The following CCSER2 variants were observed in gnomAD, a reference collection of about 807,000 sequenced individuals.
CCSER2 encodes the protein serine-rich coiled-coil domain-containing protein 2.
CCSER2 carries 46 observed loss-of-function variants against 92.3 expected under a neutral mutation model. The ratio of observed to expected loss-of-function variants is 0.50; its 90% CI spans 0.39 to 0.64. The LOEUF (loss-of-function observed/expected upper bound fraction) is 0.64, where lower values mean the gene tolerates loss of function less well. Ranked by LOEUF, CCSER2 falls within the 30% of genes least tolerant of loss-of-function variation. The pLI is 0.00. For missense variants in CCSER2, 1,244 were observed against 1,238.9 expected (o/e 1.00, Z -0.06); for synonymous variants, 433 against 431.4 (o/e 1.00, Z -0.04).
rs1175785875 is a variant in CCSER2 at position 84,425,734 on chromosome 10, A to G, written c.1709A>G (p.Glu570Gly). The G allele has an allele frequency of 1.2e-6, 2 of 1,608,290 alleles. No individual in the cohort carries two copies. Among genetic ancestry groups the G allele is most frequent in the Non-Finnish European group, 1.7e-6 (2 of 1,176,746 alleles). ...LPEDAPLENVECDNMNRFDRP... is the reference protein window; with the variant it reads ...LPEDAPLENVGCDNMNRFDRP... ...TTTTGCTTTTGAATCTGTCTAGTGG[A>G]GTGTGACAATATGAACCGCTTTGAC... Residue 570 changes from glutamate to glycine, a missense_variant, in exon 5 of 10, where the codon GAG (glutamate) becomes GGG (glycine). By Grantham distance (98) the Glu-to-Gly change is moderately conservative. Coordinates refer to ENST00000372088, the MANE Select transcript of CCSER2 (RefSeq NM_001284240.2).
chr10:84,374,892 A>T (rs895959031), intron 3 of CCSER2, among the ~76,000 whole-genome samples: 1 of 152,196 alleles, frequency 6.6e-6, no homozygotes, highest in African/African-American at 2.4e-5. Flanking sequence ...TAAACCTTTT[A>T]CTTAAGCCAT....
At chr10:84,366,357 G>A (rs908558905) in intron 1 of CCSER2, among the ~76,000 whole-genome samples, 3 of 152,126 alleles carry the variant, frequency 2.0e-5, no homozygotes, top group African/African-American at 7.2e-5. Context: ...TACATTAAGA[G>A]ATTATGAATT....
chr10:84,487,178 G>C (rs1221738188), intron 9 of CCSER2, among the ~76,000 whole-genome samples: 1 of 152,222 alleles, frequency 6.6e-6, no homozygotes, highest in Non-Finnish European at 1.5e-5. Context: ...CAGGTGGCAT[G>C]ATGCCTCCAG....
chr10:84,374,273 C>T (rs1393714967), intron 3 of CCSER2, among the ~76,000 whole-genome samples: 4 of 152,096 alleles, frequency 2.6e-5, no homozygotes, highest in Admixed American at 2.6e-4. Context: ...GTTGAGAAAC[C>T]TTGGCCTGTG....
At chr10:84,418,836 G>A (rs1843000353) in intron 4 of CCSER2, among the ~76,000 whole-genome samples, 1 of 152,104 alleles carries the variant, frequency 6.6e-6, no homozygotes, top group African/African-American at 2.4e-5. Context: ...TCTCATTCAT[G>A]GATCTAAGGA....
At chr10:84,441,766 T>G (rs1479133414) in intron 6 of CCSER2, among the ~76,000 whole-genome samples, 1 of 112,984 alleles carries the variant, frequency 8.9e-6, no homozygotes, top group African/African-American at 3.5e-5. Context: ...TTTTTTTTTT[T>G]TTTTTTTTTT....
chr10:84,417,990 G>A, intron 4 of CCSER2, 129 bp downstream of exon 4: 1 of 555,698 alleles, frequency 1.8e-6, no homozygotes, highest in East Asian at 2.8e-5. Flanking sequence ...TCAGTCTTAA[G>A]TGAGGTAAAA....
rs190478285 is a variant in CCSER2 at position 84,399,651 on chromosome 10, C to G, written c.1615-18120C>G. ...TATTCTTTTAAATCTGGAAAATGTT[C>G]ATATTTAATTATTATATCCCCTCCA... On this transcript the variant is annotated intron_variant, in intron 3 of 9. Transcript: ENST00000372088. 1.1e-3 allele frequency among the ~76,000 whole-genome samples: 171 copies of G among 152,148 alleles called. 2 individuals carry two copies. Among genetic ancestry groups the G allele is most frequent in the Middle Eastern group, 3.4e-3 (1 of 294 alleles).
intron 9 of CCSER2, among the ~76,000 whole-genome samples, chr10:84,486,712 T>C (rs1337812818): frequency 6.6e-6 from 1 of 152,232 alleles, no homozygotes; most frequent in Admixed American, 6.5e-5. Flanking sequence ...ACTCTGATGG[T>C]AGTTTCTTTT....
intron 4 of CCSER2, among the ~76,000 whole-genome samples, chr10:84,420,122 T>A (rs1843067142): frequency 6.6e-6 from 1 of 152,228 alleles, no homozygotes; most frequent in Non-Finnish European, 1.5e-5. Flanking sequence ...TTATGCCCTT[T>A]CTGAGTGGAA....
chr10:84,341,037 C>CTTTTT (rs749153928), intron 1 of CCSER2, among the ~76,000 whole-genome samples: 3 of 115,172 alleles, frequency 2.6e-5, no homozygotes, highest in African/African-American at 3.6e-5. Flanking sequence ...CAATGTAACA[C>CTTTTT]TTTTTTTTTT....
rs558507059 is a variant in CCSER2, at chr10:84,457,095, A to G, written c.2065-6838A>G. Reference sequence around the variant, plus strand: ...TTCACATTCTCATTATTTTCTTACTATTGTTTTAAAATTAGCTGACACTTT... The same window carrying G: ...TTCACATTCTCATTATTTTCTTACTGTTGTTTTAAAATTAGCTGACACTTT... On this transcript the variant is annotated intron_variant, in intron 6 of 9. Transcript: ENST00000372088. Among the ~76,000 whole-genome samples the G allele has an allele frequency of 1.4e-3, 208 of 148,020 alleles. 1 individual carries two copies. The highest frequency in any genetic ancestry group is 3.4e-3 in the South Asian group (16 of 4,774).
intron 9 of CCSER2, among the ~76,000 whole-genome samples, chr10:84,496,537 G>A (rs1413662994): frequency 6.6e-6 from 1 of 151,900 alleles, no homozygotes; most frequent in Non-Finnish European, 1.5e-5. Flanking sequence ...TGCCCGCCTC[G>A]GCCTCCCAAA....
intron 1 of CCSER2, among the ~76,000 whole-genome samples, chr10:84,356,089 G>T (rs2133092438): frequency 7.2e-6 from 1 of 138,808 alleles, no homozygotes; most frequent in African/African-American, 2.9e-5. Context: ...GGTGACAAGA[G>T]TGAAACTGTC....
chr10:84,403,723 A>G (rs1842237841), intron 3 of CCSER2, among the ~76,000 whole-genome samples: 1 of 152,248 alleles, frequency 6.6e-6, no homozygotes, highest in Admixed American at 6.5e-5. Flanking sequence ...TTAAAATCAC[A>G]TTCTATACAC....
In CCSER2 at chr10:84,341,343, CTTTTTTTTTTTTTTT is replaced by C. The variant is rs35558044; in HGVS notation, c.-40+12545_-40+12559del. On this transcript the variant is annotated intron_variant, in intron 1 of 9. Coordinates refer to ENST00000372088, the MANE Select transcript of CCSER2 (RefSeq NM_001284240.2). ...GCCACTGCACCTGGCCTTTGTAACT[CTTTTTTTTTTTTTTT>C]TTTTTTTTTAGAGGCGGAGTTTTGC... Among the ~76,000 whole-genome samples, 367 of 94,340 alleles carry C rather than the reference CTTTTTTTTTTTTTTT, an allele frequency of 3.9e-3. 3 individuals are homozygous for C. Among genetic ancestry groups the C allele is most frequent in the African/African-American group, 0.017 (337 of 19,300 alleles). 61.9% of individuals were successfully genotyped at this position (94,340 alleles called of 152,430 possible). A position where few individuals can be genotyped will look rare whatever the true frequency, so the allele number is the denominator to read the frequency against.
chr10:84,391,304 T>G (rs6585856), intron 3 of CCSER2: 320,063 of 1,455,102 alleles, frequency 0.22, 37,765 homozygotes, highest in Admixed American at 0.42. Flanking sequence ...TATGTTAGTG[T>G]CTCTTGATTT....
At chr10:84,342,934 G>T (rs1844280664) in intron 1 of CCSER2, among the ~76,000 whole-genome samples, 1 of 152,060 alleles carries the variant, frequency 6.6e-6, no homozygotes, top group Non-Finnish European at 1.5e-5. Context: ...GTGCAGTGGT[G>T]TGATCTCTGC....
chr10:84,483,997 A>ATATATATATATATATATATAT (rs1289207905), intron 9 of CCSER2, among the ~76,000 whole-genome samples: 6 of 75,530 alleles, frequency 7.9e-5, no homozygotes, highest in Non-Finnish European at 9.3e-5. Flanking sequence ...ATATATATAT[A>ATATATATATATATATATATAT]ATTTTTTTTT....
Sources: gnomAD v4.1 joint callset for allele counts (sites outside exome capture counted in the v4.1 genomes callset) on GRCh38, gnomAD v4.1.1 for gene constraint, MANE v1.5 for transcripts, NCBI Gene and HGNC (gene_info 2026-07-23, HGNC 2026-07-21) for gene names.